The following GNG13 variants were observed in gnomAD, a reference collection of about 807,000 sequenced individuals.
The protein encoded by GNG13 is G protein subunit gamma 13.
Under a neutral mutation model 8.2 loss-of-function variants are expected in GNG13, and 12 were observed. The observed-to-expected ratio is 1.47, with a 90% CI of 0.94 to 2.38. The LOEUF (loss-of-function observed/expected upper bound fraction) is 2.38. Ranked by LOEUF, GNG13 falls within the 30% of genes most tolerant of loss-of-function variation. GNG13 has a pLI of 0.00. For synonymous variants in GNG13, 45 were observed against 33.0 expected (o/e 1.37, Z -1.25); for missense variants, 100 against 85.2 (o/e 1.17, Z -0.68).
At chr16:799,144 G>A in intron 1 of GNG13, 33 bp from the exon 2 acceptor site, 2 of 912,544 alleles carry the variant, frequency 2.2e-6, no homozygotes, top group Non-Finnish European at 1.8e-6. Flanking sequence ...ACAGGGCCGA[G>A]GCCACCAGCC....
chr16:799,255 TG>T (rs1481467555), intron 1 of GNG13, 144 bp from the exon 2 acceptor site: 1 of 603,490 alleles, frequency 1.7e-6, no homozygotes, highest in Non-Finnish European at 3.0e-6. Context: ...CCCTAGGCGT[TG>T]CTAGGGTGCA....
At position 798,600 on chromosome 16, in the gene GNG13, G is replaced by T; in HGVS notation, c.*119C>A. The T allele has an allele frequency of 1.3e-6, 1 of 777,514 alleles. No individual in the cohort carries two copies. The highest frequency in any genetic ancestry group is 2.3e-6 in the Non-Finnish European group (1 of 431,602). 48.2% of individuals were successfully genotyped at this position (777,514 alleles called of 1,614,324 possible). ...ATGGGCTCACAGGATGGTGGGAGTG[G>T]GGCTGGGAGTGGGACTCACAGGATG... On this transcript the variant is annotated 3_prime_UTR_variant, in exon 3 of 3. Coordinates refer to ENST00000248150, the MANE Select transcript of GNG13 (RefSeq NM_016541.3).
rs1173459086 is a variant in GNG13 at position 798,424 on chromosome 16, G to A, written c.*295C>T. 8.2e-6 allele frequency: 4 copies of A among 489,654 alleles called. No individual in the cohort carries two copies. The African/African-American group carries it at 8.8e-5, about 11-fold the overall frequency. The allele number at this position is 489,654 out of a possible 1,614,324, so 30.3% of individuals were successfully genotyped here. On this transcript the variant is annotated 3_prime_UTR_variant, in exon 3 of 3. Coordinates refer to ENST00000248150, the MANE Select transcript of GNG13 (RefSeq NM_016541.3). ...GAGTGGGGCTCACAGGATGGTGGGA[G>A]TGGGGCTGGAAGTGGGGCTCACAGG...
At position 798,605 on chromosome 16, in the gene GNG13, G is replaced by T. The variant is rs1161251829; in HGVS notation, c.*114C>A. 1.3e-6 allele frequency: 1 copy of T among 781,398 alleles called. No homozygotes were observed. Among genetic ancestry groups the T allele is most frequent in the East Asian group, 2.5e-5 (1 of 40,560 alleles). The allele number at this position is 781,398 out of a possible 1,614,324, so 48.4% of individuals were successfully genotyped here. A position where few individuals can be genotyped will look rare whatever the true frequency, so the allele number is the denominator to read the frequency against. On this transcript the variant is annotated 3_prime_UTR_variant, in exon 3 of 3. Coordinates refer to ENST00000248150, the MANE Select transcript of GNG13 (RefSeq NM_016541.3). Reference sequence around the variant, plus strand: ...CTCACAGGATGGTGGGAGTGGGGCTGGGAGTGGGACTCACAGGATGGAGTG... The same window carrying T: ...CTCACAGGATGGTGGGAGTGGGGCTTGGAGTGGGACTCACAGGATGGAGTG...
intron 1 of GNG13, among the ~76,000 whole-genome samples, chr16:799,708 CTG>C (rs1244267150): frequency 7.9e-5 from 12 of 151,932 alleles, no homozygotes; most frequent in African/African-American, 2.9e-4. Context: ...CCCAGTGTGT[CTG>C]GGAACCACAC....
At position 798,978 on chromosome 16, in the gene GNG13, A is replaced by G. The variant is rs996089206; in HGVS notation, c.98+2T>C. 4.5e-6 allele frequency: 7 copies of G among 1,572,668 alleles called. No homozygotes were observed. The highest frequency in any genetic ancestry group is 6.1e-6 in the Non-Finnish European group (7 of 1,142,718). Reference sequence around the variant, plus strand: ...GGCAAATCAGGCAGGTGGGGCACTCACTCGGGGATGGTCTTGGACGCCATC... The same window carrying G: ...GGCAAATCAGGCAGGTGGGGCACTCGCTCGGGGATGGTCTTGGACGCCATC... On this transcript the variant is annotated splice_donor_variant, in intron 2 of 2. Transcript: ENST00000248150. LOFTEE classifies it high-confidence loss of function.
Position 798,508 on chromosome 16 carries a change from A to G in GNG13, c.*211T>C, listed in dbSNP as rs2151653389. Reference sequence around the variant, plus strand: ...GGATGGAGTGAATGGGGCTGGGCATAGTCTTACAAGATGGAGTGAGTGGGG... The same window carrying G: ...GGATGGAGTGAATGGGGCTGGGCATGGTCTTACAAGATGGAGTGAGTGGGG... On this transcript the variant is annotated 3_prime_UTR_variant, in exon 3 of 3. Coordinates refer to ENST00000248150, the MANE Select transcript of GNG13 (RefSeq NM_016541.3). 1 of 591,044 alleles carries G rather than the reference A, an allele frequency of 1.7e-6. No homozygotes were observed. The highest frequency in any genetic ancestry group is 3.0e-6 in the Non-Finnish European group (1 of 329,296). The allele number at this position is 591,044 out of a possible 1,614,324, so 36.6% of individuals were successfully genotyped here.
Position 799,072 on chromosome 16 carries a change from C to A in GNG13, c.6G>T (p.Glu2Asp). Reference protein sequence around the residue: MEEWDVPQMKKE... With the variant: MDEWDVPQMKKE... Reference sequence around the variant, plus strand: ...TCTTCATCTGTGGCACGTCCCACTCCTCCATGGGGTCAGGGGCTTCTGAAG... The same window carrying A: ...TCTTCATCTGTGGCACGTCCCACTCATCCATGGGGTCAGGGGCTTCTGAAG... The change falls in exon 2 of 3, where the codon GAG becomes GAT. Residue 2 changes from glutamate to aspartate, a missense_variant. Coordinates refer to ENST00000248150, the MANE Select transcript of GNG13 (RefSeq NM_016541.3). The A allele has an allele frequency of 6.3e-7, 1 of 1,594,704 alleles. No homozygotes were observed. The highest frequency in any genetic ancestry group is 1.1e-5 in the South Asian group (1 of 90,708).
At chr16:800,374 G>A (rs552651436) in intron 1 of GNG13, among the ~76,000 whole-genome samples, 3 of 152,260 alleles carry the variant, frequency 2.0e-5, no homozygotes, top group South Asian at 2.1e-4. Context: ...CTACCTTCGC[G>A]CAGCTGCCGC....
chr16:799,226 A>C (rs1373550049), intron 1 of GNG13, 115 bp from the exon 2 acceptor site: 2 of 634,888 alleles, frequency 3.2e-6, no homozygotes, highest in Non-Finnish European at 5.7e-6. Flanking sequence ...GAGAGTCCAC[A>C]CCACTGCCTG....
Position 798,527 on chromosome 16 carries a change from A to G in GNG13, c.*192T>C. The stretch of plus-strand genomic sequence containing the variant: ...GGGCATAGTCTTACAAGATGGAGTG[A>G]GTGGGGCCGGGAGTGGGGCTCACAG... On this transcript the variant is annotated 3_prime_UTR_variant, in exon 3 of 3. Coordinates refer to ENST00000248150, the MANE Select transcript of GNG13 (RefSeq NM_016541.3). The G allele has an allele frequency of 1.5e-6, 1 of 667,434 alleles. No individual in the cohort carries two copies. The highest frequency in any genetic ancestry group is 2.7e-5 in the East Asian group (1 of 37,254). The allele number at this position is 667,434 out of a possible 1,614,324, so 41.3% of individuals were successfully genotyped here.
chr16:800,255 C>T (rs1204385859), intron 1 of GNG13, among the ~76,000 whole-genome samples: 6 of 152,182 alleles, frequency 3.9e-5, no homozygotes, highest in Admixed American at 1.3e-4. Flanking sequence ...CAGGCCTTTT[C>T]TCGGAGACCC....
rs188377972 is a variant in GNG13, at chr16:800,073, G to A, written c.-35+593C>T. Among the ~76,000 whole-genome samples, 1,201 of 150,276 alleles carry A rather than the reference G, an allele frequency of 8.0e-3. 10 individuals carry two copies. The highest frequency in any genetic ancestry group is 0.017 in the South Asian group (81 of 4,830). Reference sequence around the variant, plus strand: ...CAGGGCCTGAGGCTGGTGGGGTCCCGGTGGTGAATTGGGCAGACTCCCAGC... The same window carrying A: ...CAGGGCCTGAGGCTGGTGGGGTCCCAGTGGTGAATTGGGCAGACTCCCAGC... On this transcript the variant is annotated intron_variant, in intron 1 of 2. Transcript: ENST00000248150.
At chr16:799,853 C>T (rs994688974) in intron 1 of GNG13, among the ~76,000 whole-genome samples, 7 of 151,924 alleles carry the variant, frequency 4.6e-5, no homozygotes, top group African/African-American at 1.7e-4. Flanking sequence ...CTCCAGGGGC[C>T]CAGGGAGTCC....
intron 1 of GNG13, among the ~76,000 whole-genome samples, chr16:800,029 G>A (rs890690067): frequency 5.9e-5 from 9 of 151,996 alleles, no homozygotes; most frequent in Admixed American, 1.3e-4. Context: ...CAGCTGCACC[G>A]GCCACCTAGG....
intron 1 of GNG13, among the ~76,000 whole-genome samples, chr16:799,500 CAG>C (rs2042429180): frequency 1.3e-5 from 2 of 152,216 alleles, no homozygotes; most frequent in African/African-American, 2.4e-5. Context: ...GCGAGGTCCT[CAG>C]GAGGTGGCCC....
intron 1 of GNG13, 59 bp from the exon 2 acceptor site, chr16:799,170 C>G: frequency 1.4e-6 from 1 of 730,806 alleles, no homozygotes; most frequent in South Asian, 1.5e-5. Context: ...TCCCCACCCC[C>G]GCTGCTCCCC....
rs1031155863 is a variant in GNG13, at chr16:798,526, G to C, written c.*193C>G. 6.0e-5 allele frequency: 41 copies of C among 688,080 alleles called. No individual in the cohort carries two copies. Among genetic ancestry groups the C allele is most frequent in the Non-Finnish European group, 9.0e-5 (34 of 377,370 alleles). The allele number at this position is 688,080 out of a possible 1,614,324, so 42.6% of individuals were successfully genotyped here. Reference sequence around the variant, plus strand: ...TGGGCATAGTCTTACAAGATGGAGTGAGTGGGGCCGGGAGTGGGGCTCACA... The same window carrying C: ...TGGGCATAGTCTTACAAGATGGAGTCAGTGGGGCCGGGAGTGGGGCTCACA... On this transcript the variant is annotated 3_prime_UTR_variant, in exon 3 of 3. Coordinates refer to ENST00000248150, the MANE Select transcript of GNG13 (RefSeq NM_016541.3).
chr16:798,100 C>A lies in GNG13; in HGVS notation c.*619G>T. The A allele has an allele frequency of 1.5e-6, 2 of 1,339,784 alleles. No individual in the cohort carries two copies. The highest frequency in any genetic ancestry group is 2.0e-6 in the Non-Finnish European group (2 of 984,630). 83.0% of individuals were successfully genotyped at this position (1,339,784 alleles called of 1,614,324 possible). ...TCACGTGCGAGTGGAGTGGGGTTCA[C>A]AGGATGGTGGGAGTGGGGCCGGGCG... On this transcript the variant is annotated 3_prime_UTR_variant, in exon 3 of 3. Transcript: ENST00000248150.
Sources: gnomAD v4.1 joint callset for allele counts (sites outside exome capture counted in the v4.1 genomes callset) on GRCh38, gnomAD v4.1.1 for gene constraint, MANE v1.5 for transcripts, NCBI Gene and HGNC (gene_info 2026-07-23, HGNC 2026-07-21) for gene names.